Variants in SLC12A2 observed in about 807,000 individuals in gnomAD.
SLC12A2 encodes Na-K-2Cl cotransporter 1.
SLC12A2 carries 67 observed loss-of-function variants against 136.3 expected under a neutral mutation model. The ratio of observed to expected loss-of-function variants is 0.49; its 90% CI spans 0.40 to 0.60. The LOEUF is 0.60. SLC12A2 is among the 20% of genes least tolerant of loss of function. The pLI, the probability that SLC12A2 is intolerant of heterozygous loss-of-function variation, is 0.00. For synonymous variants in SLC12A2, 619 were observed against 562.9 expected, an observed-to-expected ratio of 1.10 and a Z score of -1.41; for missense variants, 1,322 against 1,534.7, an observed-to-expected ratio of 0.86 and a Z score of 2.32.
At chr5:128,087,821 A>G (rs1049295633) in intron 1 of SLC12A2, among the ~76,000 whole-genome samples, 1 of 152,142 alleles carries the variant, frequency 6.6e-6, no homozygotes, top group Non-Finnish European at 1.5e-5. Context: ...TGTGGGAGTG[A>G]GAAAGAAGCT....
At chr5:128,175,347 G>A (rs997341427) in intron 20 of SLC12A2, among the ~76,000 whole-genome samples, 2 of 151,936 alleles carry the variant, frequency 1.3e-5, no homozygotes, top group Admixed American at 1.3e-4. Context: ...TTGGCTTAGA[G>A]TATTAGTAAA....
In SLC12A2 at chr5:128,084,115, G is replaced by A; in HGVS notation, c.161G>A (p.Gly54Asp). The change falls in exon 1 of 27, where the codon GGC becomes GAC. Residue 54 changes from glycine to aspartate, a missense_variant. Transcript: ENST00000262461. This position sits in a 1 kb window ranked among gnomAD's most constrained non-coding sequence, Gnocchi z 5.6. The part of the protein sequence containing the change: ...EDAAPASRDG[G>D]GVRDEGPAAA... ...GCTGCGCCCGCGAGCCGGGACGGCGGCGGGGTCCGCGATGAGGGCCCCGCG... is the reference window on the plus strand; with the variant it reads ...GCTGCGCCCGCGAGCCGGGACGGCGACGGGGTCCGCGATGAGGGCCCCGCG... 3.1e-6 allele frequency: 4 copies of A among 1,307,090 alleles called. No homozygotes were observed. Among genetic ancestry groups the A allele is most frequent in the South Asian group, 2.3e-5 (1 of 44,338 alleles). 81.0% of individuals were successfully genotyped at this position (1,307,090 alleles called of 1,614,324 possible).
intron 10 of SLC12A2, among the ~76,000 whole-genome samples, chr5:128,145,717 A>C (rs538775678): frequency 2.0e-5 from 3 of 152,056 alleles, no homozygotes; most frequent in Admixed American, 1.3e-4. Flanking sequence ...TTATGTGTAC[A>C]TGAAATCAGA....
intron 4 of SLC12A2, among the ~76,000 whole-genome samples, chr5:128,119,548 TTC>T (rs1230628971): frequency 6.6e-6 from 1 of 152,196 alleles, no homozygotes; most frequent in Non-Finnish European, 1.5e-5. Flanking sequence ...GCAGCATTAT[TTC>T]TGAGGGCTCT....
At chr5:128,150,714 T>C (rs1334131697) in intron 13 of SLC12A2, among the ~76,000 whole-genome samples, 1 of 151,838 alleles carries the variant, frequency 6.6e-6, no homozygotes, top group Non-Finnish European at 1.5e-5. Context: ...TAAAGTGGGC[T>C]TCCTTCATAA....
chr5:128,110,919 GA>G, intron 1 of SLC12A2: 1 of 952,062 alleles, frequency 1.1e-6, no homozygotes, highest in Non-Finnish European at 1.7e-6. Context: ...GAGAGGGCAT[GA>G]AAAGGGTAGA....
intron 1 of SLC12A2, among the ~76,000 whole-genome samples, chr5:128,091,920 G>A (rs1760337976): frequency 6.6e-6 from 1 of 152,204 alleles, no homozygotes; most frequent in Non-Finnish European, 1.5e-5. Flanking sequence ...CTGGAAACCT[G>A]TGGGATAGTT....
intron 4 of SLC12A2, among the ~76,000 whole-genome samples, chr5:128,122,359 A>G (rs530484195): frequency 5.8e-4 from 89 of 152,320 alleles, no homozygotes; most frequent in African/African-American, 1.9e-3. Flanking sequence ...ACAAAATGCT[A>G]TGTTATTGGA....
intron 1 of SLC12A2, among the ~76,000 whole-genome samples, chr5:128,103,099 A>T (rs373847924): frequency 1.6e-4 from 25 of 152,166 alleles, no homozygotes; most frequent in African/African-American, 5.8e-4. Context: ...ATCTCTAAGG[A>T]TATGCTGAGG....
intron 4 of SLC12A2, among the ~76,000 whole-genome samples, chr5:128,130,535 A>T (rs1474318896): frequency 7.0e-6 from 1 of 142,076 alleles, no homozygotes; most frequent in African/African-American, 2.8e-5. Context: ...AAAAAAAAAA[A>T]GTCCGGTGTG....
At chr5:128,156,349 TG>T (rs1162547989) in intron 15 of SLC12A2, among the ~76,000 whole-genome samples, 1 of 152,150 alleles carries the variant, frequency 6.6e-6, no homozygotes, top group Non-Finnish European at 1.5e-5. Flanking sequence ...GATATTTTTG[TG>T]GTTTGTGCCT....
chr5:128,167,702 C>G (rs1189635467), intron 17 of SLC12A2, 59 bp from the exon 18 acceptor site: 2 of 1,244,748 alleles, frequency 1.6e-6, no homozygotes, highest in Non-Finnish European at 2.3e-6. Context: ...TTTATCACTT[C>G]AGAAAACATT....
chr5:128,158,468 CTGTGTTAGTTCACT>C lies in SLC12A2; in HGVS notation c.2475+306_2475+319del, dbSNP rs1266407269. Among the ~76,000 whole-genome samples, 7 of 152,180 alleles carry C rather than the reference CTGTGTTAGTTCACT, an allele frequency of 4.6e-5. No homozygotes were observed. The East Asian group carries it at 1.4e-3, about 29-fold the overall frequency. ...ACATGTGGTATTTTGTTTTGTGTTC[CTGTGTTAGTTCACT>C]TAGGATAATAGCTTCTAGCTGCAGC... is the stretch of plus-strand genomic sequence containing the variant. On this transcript the variant is annotated intron_variant, in intron 16 of 26. Transcript: ENST00000262461.
intron 17 of SLC12A2, among the ~76,000 whole-genome samples, chr5:128,166,596 G>A (rs1763211839): frequency 6.6e-6 from 1 of 152,002 alleles, no homozygotes; most frequent in African/African-American, 2.4e-5. Flanking sequence ...TTTCACTCAT[G>A]CAATATCTAG....
intron 17 of SLC12A2, among the ~76,000 whole-genome samples, chr5:128,165,417 CA>C (rs1763171245): frequency 6.6e-6 from 1 of 152,130 alleles, no homozygotes; most frequent in Non-Finnish European, 1.5e-5. Flanking sequence ...AGAAATAACA[CA>C]GTGGGAATGT....
At chr5:128,129,652 G>T (rs530448409) in intron 4 of SLC12A2, among the ~76,000 whole-genome samples, 1 of 152,050 alleles carries the variant, frequency 6.6e-6, no homozygotes, top group South Asian at 2.1e-4. Context: ...TTTTGTTGGT[G>T]CATTTACCTT....
In SLC12A2 at chr5:128,098,697, C is replaced by T. The variant is rs116622983; in HGVS notation, c.756+13987C>T. 2.8e-3 allele frequency among the ~76,000 whole-genome samples: 430 copies of T among 152,006 alleles called. 1 individual carries two copies. Among genetic ancestry groups the T allele is most frequent in the African/African-American group, 9.7e-3 (403 of 41,486 alleles). ...CTAGGCTCAAACTGCAGACTTTCCA[C>T]CCCCATCCACTCCTCTCCCCATACA... is the stretch of plus-strand genomic sequence containing the variant. On this transcript the variant is annotated intron_variant, in intron 1 of 26. Coordinates refer to ENST00000262461, the MANE Select transcript of SLC12A2 (RefSeq NM_001046.3).
intron 1 of SLC12A2, among the ~76,000 whole-genome samples, chr5:128,089,170 A>C (rs1472511668): frequency 5.4e-5 from 1 of 18,660 alleles, no homozygotes; most frequent in South Asian, 1.7e-3. Context: ...CTTTGTCTCC[A>C]AAAAAAAAAA....
Position 128,138,889 on chromosome 5 carries a change from A to G in SLC12A2, c.1602A>G (p.Val534=), listed in dbSNP as rs1762268314. 1.2e-6 allele frequency: 2 copies of G among 1,611,340 alleles called. No individual in the cohort carries two copies. The highest frequency in any genetic ancestry group is 1.7e-6 in the Non-Finnish European group (2 of 1,177,948). The part of the protein sequence containing the change: ...LAILITTLVY[V]GIAVSVGSCV... The stretch of plus-strand genomic sequence containing the variant: ...TTTTAATTACTACATTGGTTTACGT[A>G]GGAATTGCAGTATCTGTAGGTAAAT... Residue 534 remains valine, a synonymous_variant, in exon 9 of 27, where the codon GTA becomes GTG. Coordinates refer to ENST00000262461, the MANE Select transcript of SLC12A2 (RefSeq NM_001046.3).
Sources: gnomAD v4.1 joint callset for allele counts (sites outside exome capture counted in the v4.1 genomes callset) on GRCh38, gnomAD v4.1.1 for gene constraint, Gnocchi (gnomAD v3.1) non-coding constraint, MANE v1.5 for transcripts, NCBI Gene and HGNC (gene_info 2026-07-23, HGNC 2026-07-21) for gene names.